NEK7: variants seen among roughly 807,000 people sequenced by gnomAD.
NEK7 encodes the protein NIMA related kinase 7.
A neutral mutation model predicts 44.6 loss-of-function variants in NEK7; 18 were observed. The ratio of observed to expected loss-of-function variants is 0.40; its 90% confidence interval spans 0.28 to 0.60. The LOEUF (loss-of-function observed/expected upper bound fraction) is 0.60, where lower values mean the gene tolerates loss of function less well. Ranked by LOEUF, NEK7 falls within the 20% of genes least tolerant of loss-of-function variation. The pLI is 0.38. For synonymous variants in NEK7, 130 were observed against 121.1 expected, an observed-to-expected ratio of 1.07 and a Z score of -0.48; for missense variants, 256 against 366.5, an observed-to-expected ratio of 0.70 and a Z score of 2.46.
intron 1 of NEK7, among the ~76,000 whole-genome samples, chr1:198,215,018 C>T (rs1665876876): frequency 6.6e-6 from 1 of 152,100 alleles, no homozygotes. Context: ...GGATTGGGTT[C>T]CTATCTTTAG....
rs372345717 is a variant in NEK7, at chr1:198,319,372, G to T, written c.799-40G>T. The stretch of plus-strand genomic sequence containing the variant: ...CCTCTCAGTAAACTAACCAAAAATA[G>T]TTGTCTTAATCAGGTTTTATTGTTT... On this transcript the variant is annotated intron_variant, in intron 9 of 9. Transcript: ENST00000367385. 15 of 1,423,368 alleles carry T rather than the reference G, an allele frequency of 1.1e-5. No individual in the cohort carries two copies. The Middle Eastern group carries it at 5.4e-4, about 51-fold the overall frequency. 88.2% of individuals were successfully genotyped at this position (1,423,368 alleles called of 1,614,324 possible). A position where few individuals can be genotyped will look rare whatever the true frequency, so the allele number is the denominator to read the frequency against.
Position 198,221,282 on chromosome 1 carries a change from T to C in NEK7, c.-28-11271T>C, listed in dbSNP as rs533006470. On this transcript the variant is annotated intron_variant, in intron 1 of 9. Coordinates refer to ENST00000367385, the MANE Select transcript of NEK7 (RefSeq NM_133494.3). Reference sequence around the variant, plus strand: ...TTTGAACAACTAGAATCTATGGATATTCTTGGTTAAATTGGATTTACGTTA... The same window carrying C: ...TTTGAACAACTAGAATCTATGGATACTCTTGGTTAAATTGGATTTACGTTA... 3.3e-5 allele frequency among the ~76,000 whole-genome samples: 5 copies of C among 152,110 alleles called. No homozygotes were observed. In the South Asian group the frequency reaches 1.0e-3, roughly 32 times the overall value.
chr1:198,239,758 G>A (rs1235149282), intron 2 of NEK7, among the ~76,000 whole-genome samples: 3 of 152,034 alleles, frequency 2.0e-5, no homozygotes, highest in South Asian at 2.1e-4. Flanking sequence ...TTAGTTAACT[G>A]TACAGTCCCG....
intron 2 of NEK7, among the ~76,000 whole-genome samples, chr1:198,238,494 C>T (rs780413817): frequency 1.1e-4 from 16 of 152,088 alleles, no homozygotes; most frequent in Non-Finnish European, 1.6e-4. Context: ...CACTCTCTTG[C>T]CACCTTCATT....
At chr1:198,271,946 G>C (rs1303399185) in intron 5 of NEK7, among the ~76,000 whole-genome samples, 2 of 137,490 alleles carry the variant, frequency 1.5e-5, no homozygotes, top group Non-Finnish European at 3.2e-5. Context: ...CACACACATA[G>C]ATACATTTAC....
chr1:198,256,401 G>A (rs1398159470), intron 3 of NEK7: 1 of 1,611,844 alleles, frequency 6.2e-7, no homozygotes. Context: ...ATCATAAAGG[G>A]ATCTGAGAGC....
At chr1:198,313,649 T>G (rs1655259968) in intron 9 of NEK7, among the ~76,000 whole-genome samples, 1 of 137,394 alleles carries the variant, frequency 7.3e-6, no homozygotes, top group Non-Finnish European at 1.5e-5. Context: ...TGACAAAATC[T>G]CTCAGCATTT....
chr1:198,304,183 G>A (rs781257291), intron 9 of NEK7, among the ~76,000 whole-genome samples: 5 of 152,036 alleles, frequency 3.3e-5, no homozygotes, highest in Non-Finnish European at 5.9e-5. Flanking sequence ...ATGTCCTGTG[G>A]GATCCTACAA....
At chr1:198,242,578 C>T (rs1356464541) in intron 2 of NEK7, among the ~76,000 whole-genome samples, 1 of 150,548 alleles carries the variant, frequency 6.6e-6, no homozygotes, top group Non-Finnish European at 1.5e-5. Context: ...TCTCCTGCCT[C>T]AGCCTCCCGA....
intron 7 of NEK7, among the ~76,000 whole-genome samples, chr1:198,280,481 G>C (rs1435838870): frequency 6.6e-6 from 1 of 151,978 alleles, no homozygotes; most frequent in Non-Finnish European, 1.5e-5. Context: ...TATCCAGTCT[G>C]AAGGATCCAG....
intron 9 of NEK7, among the ~76,000 whole-genome samples, chr1:198,315,319 A>G (rs527805615): frequency 3.7e-4 from 57 of 152,184 alleles, no homozygotes; most frequent in Non-Finnish European, 6.0e-4. Flanking sequence ...GCACCCACTG[A>G]CCTGCGCCCA....
At chr1:198,315,472 G>A (rs1257918206) in intron 9 of NEK7, among the ~76,000 whole-genome samples, 1 of 152,164 alleles carries the variant, frequency 6.6e-6, no homozygotes, top group Non-Finnish European at 1.5e-5. Flanking sequence ...CCCATCTATG[G>A]TGGGCCTTAG....
intron 3 of NEK7, among the ~76,000 whole-genome samples, chr1:198,258,508 A>G (rs1653350238): frequency 6.6e-6 from 1 of 152,180 alleles, no homozygotes. Context: ...TGCATTTTAA[A>G]TGGTCTTTCT....
rs762113612 is a variant in NEK7, at chr1:198,177,001, C to T, written c.-29+19725C>T. Among the ~76,000 whole-genome samples the T allele has an allele frequency of 8.8e-4, 133 of 151,960 alleles. 1 individual carries two copies. The highest frequency in any genetic ancestry group is 2.6e-4 in the Non-Finnish European group (18 of 67,960). ...TCAGTATGTAGGAGGCAGGTTATGT[C>T]CAGCTGAAAATGTGTGATTATTGAT... On this transcript the variant is annotated intron_variant, in intron 1 of 9. Coordinates refer to ENST00000367385, the MANE Select transcript of NEK7 (RefSeq NM_133494.3).
intron 3 of NEK7, among the ~76,000 whole-genome samples, chr1:198,253,562 G>C (rs949016730): frequency 6.6e-6 from 1 of 152,110 alleles, no homozygotes; most frequent in Admixed American, 6.6e-5. Context: ...CCCGAAGTTA[G>C]TAAATGGCAG....
intron 1 of NEK7, among the ~76,000 whole-genome samples, chr1:198,212,569 C>G (rs555165338): frequency 1.5e-4 from 23 of 152,340 alleles, no homozygotes; most frequent in African/African-American, 5.3e-4. Flanking sequence ...ACTGGGGCCA[C>G]TGCTTGTGCC....
chr1:198,230,046 A>G (rs980318527), intron 1 of NEK7, among the ~76,000 whole-genome samples: 1 of 152,208 alleles, frequency 6.6e-6, no homozygotes, highest in African/African-American at 2.4e-5. Flanking sequence ...ACGAAACTTA[A>G]GAAACTTTTA....
In NEK7 at chr1:198,243,424, G is replaced by A. The variant is rs191124530; in HGVS notation, c.58-9616G>A. On this transcript the variant is annotated intron_variant, in intron 2 of 9. Transcript: ENST00000367385. ...CTCTGTCTCTGTCTTTCAGTAAAAG[G>A]CTTTTTCTCTCCATATTTAACTTTG... Among the ~76,000 whole-genome samples, 7 of 152,156 alleles carry A rather than the reference G, an allele frequency of 4.6e-5. No homozygotes were observed. The East Asian group carries it at 1.4e-3, about 29-fold the overall frequency.
intron 1 of NEK7, among the ~76,000 whole-genome samples, chr1:198,218,886 T>G (rs1666003123): frequency 6.6e-6 from 1 of 151,998 alleles, no homozygotes; most frequent in Non-Finnish European, 1.5e-5. Flanking sequence ...AGAATGGCCC[T>G]TATTTAAAAA....
Sources: gnomAD v4.1 joint callset for allele counts (sites outside exome capture counted in the v4.1 genomes callset) on GRCh38, gnomAD v4.1.1 for gene constraint, MANE v1.5 for transcripts, NCBI Gene and HGNC (gene_info 2026-07-23, HGNC 2026-07-21) for gene names.